The following DDX46 variants were observed in gnomAD, a reference collection of about 807,000 sequenced individuals.
DDX46 encodes the protein probable ATP-dependent RNA helicase DDX46.
Under a neutral mutation model 134.9 loss-of-function variants are expected in DDX46, and 30 were observed. The observed-to-expected ratio is 0.22, with a 90% CI of 0.17 to 0.30. DDX46 has a LOEUF of 0.30. DDX46 is among the 10% of genes least tolerant of loss of function. DDX46 has a pLI of 1.00. For missense variants in DDX46, 622 were observed against 1,248.7 expected (o/e 0.50, Z 7.56); for synonymous variants, 415 against 404.1 (o/e 1.03, Z -0.32).
At chr5:134,773,262 C>T (rs920799774) in intron 4 of DDX46, among the ~76,000 whole-genome samples, 3 of 152,058 alleles carry the variant, frequency 2.0e-5, no homozygotes, top group South Asian at 2.1e-4. Flanking sequence ...ATGTTGATGT[C>T]GTTTATTTTC....
intron 15 of DDX46, among the ~76,000 whole-genome samples, chr5:134,803,173 T>C (rs1339652728): frequency 6.6e-6 from 1 of 152,138 alleles, no homozygotes; most frequent in Non-Finnish European, 1.5e-5. Flanking sequence ...TTTGTGTTTT[T>C]AGTAGAGACG....
intron 17 of DDX46, 74 bp downstream of exon 17, chr5:134,811,432 A>G: frequency 1.9e-6 from 3 of 1,539,358 alleles, no homozygotes; most frequent in South Asian, 1.2e-5. Flanking sequence ...ATTCTTGGAA[A>G]TCTTTTATTT....
chr5:134,792,567 A>C (rs187438447), intron 13 of DDX46, among the ~76,000 whole-genome samples: 13 of 152,312 alleles, frequency 8.5e-5, no homozygotes, highest in East Asian at 1.9e-4. Flanking sequence ...GTGAAATCTT[A>C]GATTTTATTA....
At chr5:134,761,494 G>A (rs1046319789) in intron 1 of DDX46, among the ~76,000 whole-genome samples, 9 of 152,302 alleles carry the variant, frequency 5.9e-5, no homozygotes, top group South Asian at 2.1e-4. Flanking sequence ...AGATAATCAG[G>A]TGCATTCATC....
At chr5:134,821,003 T>C (rs933945886) in intron 21 of DDX46, among the ~76,000 whole-genome samples, 59 of 150,828 alleles carry the variant, frequency 3.9e-4, no homozygotes, top group Admixed American at 7.3e-4. Context: ...GAAGCTAGGA[T>C]TACAGGTGCC....
chr5:134,783,674 C>G (rs1332446916), intron 9 of DDX46, among the ~76,000 whole-genome samples: 1 of 147,978 alleles, frequency 6.8e-6, no homozygotes, highest in African/African-American at 2.5e-5. Context: ...CTCAGCCTCC[C>G]AAGTAGGTGG....
chr5:134,786,727 A>G (rs1334446324), intron 11 of DDX46, among the ~76,000 whole-genome samples: 1 of 152,058 alleles, frequency 6.6e-6, no homozygotes. Context: ...TGCCTGTAAT[A>G]TCAGCTACTC....
At position 134,811,710 on chromosome 5, in the gene DDX46, TAAA is replaced by T; in HGVS notation, c.2304_2306del (p.Lys769del). The T allele has an allele frequency of 6.3e-7, 1 of 1,591,068 alleles. No individual in the cohort carries two copies. Among genetic ancestry groups the T allele is most frequent in the Non-Finnish European group, 8.5e-7 (1 of 1,173,910 alleles). ...TTTTTTGAAAGGAGGGGAAAATAAT[TAAA>T]AAGAGTAGTGGGTTCTCTGGTAAGG... On this transcript the variant is annotated inframe_deletion, in exon 18 of 23. Coordinates refer to ENST00000452510, the MANE Select transcript of DDX46 (RefSeq NM_001300860.2).
intron 15 of DDX46, among the ~76,000 whole-genome samples, chr5:134,804,398 G>A (rs75883668): frequency 0.021 from 3,264 of 152,228 alleles, 98 homozygotes; most frequent in African/African-American, 0.074. Context: ...CATTAAGCGA[G>A]ACCTGAAAAA....
chr5:134,777,091 T>TC (rs1466135610), intron 5 of DDX46, among the ~76,000 whole-genome samples: 2 of 152,026 alleles, frequency 1.3e-5, no homozygotes, highest in Non-Finnish European at 2.9e-5. Context: ...GCACCTGTAG[T>TC]CCCGGTTACT....
Position 134,782,088 on chromosome 5 carries a change from T to A in DDX46, c.1045+2T>A. 1 of 1,580,718 alleles carries A rather than the reference T, an allele frequency of 6.3e-7. No individual in the cohort carries two copies. The highest frequency in any genetic ancestry group is 8.5e-7 in the Non-Finnish European group (1 of 1,171,188). On this transcript the variant is annotated splice_donor_variant, in intron 8 of 22. Transcript: ENST00000452510. LOFTEE classifies it high-confidence loss of function. Reference sequence around the variant, plus strand: ...AACTAGCAAAAATGTCTCAAGAAGGTAAAATTCCATTTTTTCATTTACTGG... The same window carrying A: ...AACTAGCAAAAATGTCTCAAGAAGGAAAAATTCCATTTTTTCATTTACTGG...
intron 20 of DDX46, 150 bp from the exon 21 acceptor site, chr5:134,818,708 GAA>G (rs937947540): frequency 4.7e-4 from 157 of 334,966 alleles, no homozygotes; most frequent in East Asian, 7.7e-4. Flanking sequence ...CGTCTCAAAA[GAA>G]AAAAAAAAAA....
chr5:134,807,469 G>C (rs2150154709), intron 15 of DDX46, among the ~76,000 whole-genome samples: 1 of 152,128 alleles, frequency 6.6e-6, no homozygotes, highest in Non-Finnish European at 1.5e-5. Context: ...TTCTCGCTTT[G>C]GCTCCCAAAC....
At chr5:134,818,252 C>T (rs1423384433) in intron 20 of DDX46, among the ~76,000 whole-genome samples, 3 of 151,548 alleles carry the variant, frequency 2.0e-5, no homozygotes, top group Non-Finnish European at 4.4e-5. Flanking sequence ...CACCACCAAG[C>T]CTGGCTAATT....
intron 12 of DDX46, among the ~76,000 whole-genome samples, chr5:134,788,842 C>T (rs961770906): frequency 6.8e-6 from 1 of 146,770 alleles, no homozygotes; most frequent in Non-Finnish European, 1.5e-5. Context: ...GAGTAAGACT[C>T]CGTCTCAAAA....
At position 134,805,723 on chromosome 5, in the gene DDX46, G is replaced by C. The variant is rs376764949; in HGVS notation, c.1955-2025G>C. Reference sequence around the variant, plus strand: ...TTTTTTTGTATTTTTAGAAGAGACAGGGTTTCACCATGTTGACCAGGCTGG... The same window carrying C: ...TTTTTTTGTATTTTTAGAAGAGACACGGTTTCACCATGTTGACCAGGCTGG... On this transcript the variant is annotated intron_variant, in intron 15 of 22. Transcript: ENST00000452510. Among the ~76,000 whole-genome samples, 11 of 151,506 alleles carry C rather than the reference G, an allele frequency of 7.3e-5. No homozygotes were observed. The East Asian group carries it at 2.0e-3, about 27-fold the overall frequency.
Position 134,781,965 on chromosome 5 carries a change from A to G in DDX46, c.924A>G (p.Thr308=). The G allele has an allele frequency of 6.2e-7, 1 of 1,610,942 alleles. No individual in the cohort carries two copies. The highest frequency in any genetic ancestry group is 1.1e-5 in the South Asian group (1 of 90,484). ...AAGTTGATCTTCAGACAGCCCTTAC[A>G]GGGTATCAAACAAAACAGCGAAAGC... The part of the protein sequence containing the change: ...EEEVDLQTAL[T]GYQTKQRKLL... The change falls in exon 8 of 23, where the codon ACA becomes ACG. Residue 308 remains threonine, a synonymous_variant. Transcript: ENST00000452510.
At chr5:134,811,873 A>G in intron 18 of DDX46, 28 bp downstream of exon 18, 1 of 1,596,998 alleles carries the variant, frequency 6.3e-7, no homozygotes, top group Non-Finnish European at 8.5e-7. Flanking sequence ...CTCATTCTTA[A>G]TTGAAGCAGT....
intron 1 of DDX46, among the ~76,000 whole-genome samples, chr5:134,761,292 T>A (rs1249203712): frequency 6.6e-6 from 1 of 152,248 alleles, no homozygotes. Flanking sequence ...GCCAAAATGC[T>A]GGGATTACAG....
Sources: gnomAD v4.1 joint callset for allele counts (sites outside exome capture counted in the v4.1 genomes callset) on GRCh38, gnomAD v4.1.1 for gene constraint, MANE v1.5 for transcripts, NCBI Gene and HGNC (gene_info 2026-07-23, HGNC 2026-07-21) for gene names.